RBFOX1: variants seen among roughly 807,000 people sequenced by gnomAD.
RBFOX1 encodes the protein RNA binding fox-1 homolog 1.
A neutral mutation model predicts 57.7 loss-of-function variants in RBFOX1; 8 were observed. The observed-to-expected ratio is 0.14, with a 90% CI of 0.08 to 0.25. The LOEUF is 0.25. Among genes scored for constraint, RBFOX1 ranks in the 10% least tolerant of loss-of-function variants. The pLI is 1.00. For synonymous variants in RBFOX1, 326 were observed against 222.4 expected, an observed-to-expected ratio of 1.47 and a Z score of -4.15; for missense variants, 611 against 548.5, an observed-to-expected ratio of 1.11 and a Z score of -1.14.
At chr16:5,578,492 T>C (rs919817301) in intron 2 of RBFOX1, among the ~76,000 whole-genome samples, 2 of 152,164 alleles carry the variant, frequency 1.3e-5, no homozygotes, top group African/African-American at 4.8e-5. Flanking sequence ...GGTCTGACAT[T>C]TAGAAATGTA....
intron 1 of RBFOX1, among the ~76,000 whole-genome samples, chr16:6,186,346 G>A (rs1190273104): frequency 6.6e-6 from 1 of 152,108 alleles, no homozygotes; most frequent in Non-Finnish European, 1.5e-5. Flanking sequence ...AGAAGGAGAG[G>A]TTATGAATTA....
chr16:6,035,588 T>G (rs2095355280), intron 1 of RBFOX1, among the ~76,000 whole-genome samples: 1 of 152,226 alleles, frequency 6.6e-6, no homozygotes, highest in African/African-American at 2.4e-5. Context: ...CATTTTCCTT[T>G]GGTGTTCAGT....
chr16:7,391,917 C>T (rs1000415901), intron 4 of RBFOX1, among the ~76,000 whole-genome samples: 4 of 152,190 alleles, frequency 2.6e-5, no homozygotes, highest in African/African-American at 2.4e-5. Context: ...TATCAACTTG[C>T]GTTAGTTTAC....
chr16:5,881,035 T>G (rs1264415920), intron 4 of RBFOX1, among the ~76,000 whole-genome samples: 1 of 152,252 alleles, frequency 6.6e-6, no homozygotes, highest in African/African-American at 2.4e-5. Flanking sequence ...GTAATACTAC[T>G]GCAATGTTGT....
At chr16:5,852,796 C>G (rs899084629) in intron 3 of RBFOX1, among the ~76,000 whole-genome samples, 2 of 151,964 alleles carry the variant, frequency 1.3e-5, no homozygotes, top group Non-Finnish European at 2.9e-5. Context: ...TACCACTGCT[C>G]TCCAGCCTGG....
At chr16:6,562,831 CT>C (rs779899531) in intron 2 of RBFOX1, among the ~76,000 whole-genome samples, 1 of 88,354 alleles carries the variant, frequency 1.1e-5, no homozygotes, top group Non-Finnish European at 2.5e-5. Context: ...ATTCTTGATT[CT>C]TTTCTTTCTT....
intron 3 of RBFOX1, among the ~76,000 whole-genome samples, chr16:6,929,428 C>T (rs1322719594): frequency 6.6e-6 from 1 of 152,136 alleles, no homozygotes; most frequent in Non-Finnish European, 1.5e-5. Flanking sequence ...ACCAGGTAAA[C>T]AGCAGTTCCC....
At chr16:7,371,287 G>A (rs1596677796) in intron 4 of RBFOX1, among the ~76,000 whole-genome samples, 2 of 152,120 alleles carry the variant, frequency 1.3e-5, no homozygotes, top group South Asian at 4.1e-4. Context: ...AGATTAACCA[G>A]TAAACTTTTT....
intron 3 of RBFOX1, among the ~76,000 whole-genome samples, chr16:6,784,408 T>C (rs896660291): frequency 6.6e-6 from 1 of 152,168 alleles, no homozygotes; most frequent in African/African-American, 2.4e-5. Context: ...GACACTCTGA[T>C]GCATTTTTGT....
intron 1 of RBFOX1, among the ~76,000 whole-genome samples, chr16:5,287,695 C>G (rs1280542537): frequency 6.6e-6 from 1 of 152,168 alleles, no homozygotes; most frequent in East Asian, 1.9e-4. Flanking sequence ...TGGGCTTGCT[C>G]TCATGGTGAT....
chr16:5,624,621 G>C (rs892004889), intron 3 of RBFOX1, among the ~76,000 whole-genome samples: 1 of 152,248 alleles, frequency 6.6e-6, no homozygotes, highest in African/African-American at 2.4e-5. Context: ...CAAGGACAGT[G>C]TCTGTGATTG....
chr16:7,326,534 A>T (rs1217840534), intron 4 of RBFOX1, among the ~76,000 whole-genome samples: 1 of 152,154 alleles, frequency 6.6e-6, no homozygotes, highest in Admixed American at 6.5e-5. Flanking sequence ...GGTGCATTGA[A>T]AACATTCTGA....
At chr16:5,786,554 G>A (rs1471733537) in intron 3 of RBFOX1, among the ~76,000 whole-genome samples, 1 of 152,132 alleles carries the variant, frequency 6.6e-6, no homozygotes, top group Non-Finnish European at 1.5e-5. Context: ...CCAGTGTGGG[G>A]AACAGAGCTT....
intron 3 of RBFOX1, among the ~76,000 whole-genome samples, chr16:6,975,793 C>A (rs2086695959): frequency 6.6e-6 from 1 of 152,060 alleles, no homozygotes; most frequent in African/African-American, 2.4e-5. Flanking sequence ...TAGGAGCTTG[C>A]TGAGTGAATA....
chr16:7,477,307 T>G (rs1034910276), intron 4 of RBFOX1, among the ~76,000 whole-genome samples: 2 of 152,198 alleles, frequency 1.3e-5, no homozygotes, highest in Admixed American at 1.3e-4. Context: ...AATACATATA[T>G]TCATATCATC....
At chr16:6,032,193 G>C (rs567996489) in intron 1 of RBFOX1, among the ~76,000 whole-genome samples, 1 of 152,108 alleles carries the variant, frequency 6.6e-6, no homozygotes, top group African/African-American at 2.4e-5. Context: ...CTTCCTTGCT[G>C]GTCTTGGAAC....
intron 4 of RBFOX1, among the ~76,000 whole-genome samples, chr16:7,444,114 A>G (rs1323344891): frequency 6.6e-6 from 1 of 152,252 alleles, no homozygotes; most frequent in Non-Finnish European, 1.5e-5. Context: ...TCACGTTATT[A>G]TACTAAACCA....
intron 3 of RBFOX1, among the ~76,000 whole-genome samples, chr16:5,642,301 T>A (rs955064141): frequency 4.6e-5 from 7 of 152,214 alleles, no homozygotes; most frequent in African/African-American, 1.7e-4. Context: ...TATCTTTCTT[T>A]AAGCAGCTGT....
At chr16:7,415,056 T>G (rs919316672) in intron 4 of RBFOX1, among the ~76,000 whole-genome samples, 5 of 152,240 alleles carry the variant, frequency 3.3e-5, no homozygotes, top group African/African-American at 1.2e-4. Context: ...CTACAGCCTC[T>G]GACATACAAA....
Sources: allele counts gnomAD v4.1 joint callset (sites outside exome capture counted in the v4.1 genomes callset), GRCh38; gene constraint gnomAD v4.1.1; transcripts MANE v1.5; gene names NCBI Gene and HGNC (gene_info 2026-07-23, HGNC 2026-07-21).